Variants in RANGAP1 observed in about 807,000 individuals in gnomAD.
RANGAP1 encodes the protein Ran GTPase activating protein 1, also known as ran GTPase-activating protein 1.
Under a neutral mutation model 63.5 loss-of-function variants are expected in RANGAP1, and 38 were observed. The ratio of observed to expected loss-of-function variants is 0.60; its 90% CI spans 0.46 to 0.78. RANGAP1 has a LOEUF of 0.78. Ranked by LOEUF, RANGAP1 falls within the 30% of genes least tolerant of loss-of-function variation. The pLI is 0.00. For synonymous variants in RANGAP1, 329 were observed against 310.5 expected (o/e 1.06, Z -0.63); for missense variants, 630 against 740.3 (o/e 0.85, Z 1.73).
intron 10 of RANGAP1, among the ~76,000 whole-genome samples, chr22:41,255,646 C>T (rs2033783240): frequency 6.6e-6 from 1 of 151,620 alleles, no homozygotes; most frequent in African/African-American, 2.4e-5. Flanking sequence ...TCAGCCCGTA[C>T]GAGCTCCTCT....
In RANGAP1 at chr22:41,252,991, C is replaced by G. The variant is rs373724220; in HGVS notation, c.1261G>C (p.Glu421Gln). The change falls in exon 12 of 16, where the codon GAG (glutamate) becomes CAG (glutamine). Residue 421 changes from glutamate to glutamine, a missense_variant and splice_region_variant. Coordinates refer to ENST00000356244, the MANE Select transcript of RANGAP1 (RefSeq NM_002883.4). ...GGGGAGGACAGCACGGGAGCTGGCT[C>G]CTGGGAAGTAGGGGCACAGAGGCTC... is the stretch of plus-strand genomic sequence containing the variant. The part of the protein sequence containing the change: ...SRKILDPNTG[E>Q]PAPVLSSPPP... 2.0e-6 allele frequency: 3 copies of G among 1,482,272 alleles called. No homozygotes were observed. The African/African-American group carries it at 4.4e-5, about 22-fold the overall frequency. The allele number at this position is 1,482,272 out of a possible 1,614,324, so 91.8% of individuals were successfully genotyped here.
In RANGAP1 at chr22:41,249,640, G is replaced by A. The variant is rs1344430534; in HGVS notation, c.1572+89C>T. ...TGGGCGAGCCGGCTCAGGACTCGAG[G>A]TGAGGGAGGTTGGCGGGCATGGCTG... On this transcript the variant is annotated intron_variant, in intron 14 of 15. Transcript: ENST00000356244. 8 of 1,538,080 alleles carry A rather than the reference G, an allele frequency of 5.2e-6. No homozygotes were observed. In the Admixed American group the frequency reaches 1.4e-4, roughly 26 times the overall value.
chr22:41,295,220 A>G, the RANGAP1 span, among the ~76,000 whole-genome samples: 111,575 of 149,790 alleles, frequency 0.74, 42,059 homozygotes, highest in Middle Eastern at 0.79. Flanking sequence ...CATTGAGAAC[A>G]GGCCAGGATG....
At chr22:41,283,221 G>GT (rs1219566799) in intron 1 of RANGAP1, among the ~76,000 whole-genome samples, 1 of 129,182 alleles carries the variant, frequency 7.7e-6, no homozygotes, top group African/African-American at 2.7e-5. Context: ...AAAAGGGGGG[G>GT]GTTGGGGGGC....
intron 2 of RANGAP1, among the ~76,000 whole-genome samples, chr22:41,276,679 G>GA (rs917804891): frequency 4.4e-4 from 62 of 140,512 alleles, no homozygotes; most frequent in African/African-American, 7.8e-4. Flanking sequence ...CTATGTTCAG[G>GA]AAAAAAAAAA....
upstream of RANGAP1, among the ~76,000 whole-genome samples, chr22:41,288,673 C>T (rs928984193): frequency 6.6e-6 from 1 of 152,102 alleles, no homozygotes; most frequent in South Asian, 2.1e-4. Flanking sequence ...TGATCCCGTC[C>T]TCATCCAGCT....
intron 6 of RANGAP1, among the ~76,000 whole-genome samples, chr22:41,259,096 T>C (rs940516784): frequency 6.6e-6 from 1 of 151,828 alleles, no homozygotes; most frequent in Non-Finnish European, 1.5e-5. Flanking sequence ...ACCTGGTCCC[T>C]CCTCTATCAC....
rs368342759 is a variant in RANGAP1, at chr22:41,262,251, C to T, written c.481-671G>A. ...CAGGAAGTAGCTTCTACCCTGGTTA[C>T]ACCATTAGGAAAAGCACTGAAAAAC... On this transcript the variant is annotated intron_variant, in intron 5 of 15. Transcript: ENST00000356244. Among the ~76,000 whole-genome samples, 30 of 152,288 alleles carry T rather than the reference C, an allele frequency of 2.0e-4. No individual in the cohort carries two copies. In the East Asian group the frequency reaches 2.5e-3, roughly 13 times the overall value.
intron 10 of RANGAP1, among the ~76,000 whole-genome samples, chr22:41,254,928 T>C (rs2033724190): frequency 1.3e-5 from 2 of 150,052 alleles, no homozygotes; most frequent in African/African-American, 4.9e-5. Flanking sequence ...GCCGAAATTG[T>C]GCCACTGCAC....
At chr22:41,277,850 G>C (rs1264187397) in intron 2 of RANGAP1, among the ~76,000 whole-genome samples, 1 of 152,142 alleles carries the variant, frequency 6.6e-6, no homozygotes, top group African/African-American at 2.4e-5. Context: ...TGTTTTCATA[G>C]AGTATATTCA....
chr22:41,285,619 C>A (rs954206860), intron 1 of RANGAP1: 3 of 985,272 alleles, frequency 3.0e-6, no homozygotes, highest in Non-Finnish European at 1.2e-6. Flanking sequence ...TCTGCGGGAG[C>A]GACGCGCGAA....
intron 5 of RANGAP1, 94 bp from the exon 6 acceptor site, chr22:41,261,674 G>T: frequency 6.6e-7 from 1 of 1,506,450 alleles, no homozygotes; most frequent in Non-Finnish European, 9.1e-7. Context: ...AACATCCCAC[G>T]CCACCCATCG....
intron 11 of RANGAP1, 139 bp downstream of exon 11, chr22:41,254,169 A>C: frequency 8.3e-6 from 7 of 839,046 alleles, no homozygotes; most frequent in South Asian, 1.8e-5. Flanking sequence ...TCCTTTTTTT[A>C]CTCAATATCA....
At chr22:41,293,981 AAAAC>A in the RANGAP1 span, among the ~76,000 whole-genome samples, 9 of 151,914 alleles carry the variant, frequency 5.9e-5, no homozygotes, top group South Asian at 4.2e-4. Flanking sequence ...TTTTTCGTTA[AAAAC>A]AAACAAACAG....
chr22:41,299,181 G>A, the RANGAP1 span, among the ~76,000 whole-genome samples: 1 of 151,732 alleles, frequency 6.6e-6, no homozygotes, highest in Non-Finnish European at 1.5e-5. Flanking sequence ...CGCCCAGGCT[G>A]GAATGCAGTG....
At chr22:41,249,960 A>C in intron 13 of RANGAP1, 143 bp from the exon 14 acceptor site, 1 of 695,034 alleles carries the variant, frequency 1.4e-6, no homozygotes, top group Non-Finnish European at 2.5e-6. Context: ...GAGGGACGGC[A>C]GAGACACAGG....
the RANGAP1 span, among the ~76,000 whole-genome samples, chr22:41,297,847 C>T: frequency 1.3e-5 from 2 of 151,412 alleles, no homozygotes; most frequent in Non-Finnish European, 2.9e-5. Flanking sequence ...CACACCACCA[C>T]GCCCAGCTAA....
At chr22:41,278,183 T>C (rs1032682193) in intron 2 of RANGAP1, among the ~76,000 whole-genome samples, 24 of 151,962 alleles carry the variant, frequency 1.6e-4, no homozygotes, top group African/African-American at 5.5e-4. Context: ...GGATTACAGG[T>C]GTCCACCACC....
Position 41,281,561 on chromosome 22 carries a change from C to G in RANGAP1, c.-38-479G>C, listed in dbSNP as rs1216608611. 5.1e-6 allele frequency: 5 copies of G among 988,772 alleles called. No individual in the cohort carries two copies. The East Asian group carries it at 5.7e-4, about 112-fold the overall frequency. The allele number at this position is 988,772 out of a possible 1,614,324, so 61.2% of individuals were successfully genotyped here. On this transcript the variant is annotated intron_variant, in intron 1 of 15. Transcript: ENST00000356244. ...ATTCATCCCAGAGAATGCCCCACCA[C>G]CCACGCTGGCATGACTCTGGGGTGG...
Sources: allele counts gnomAD v4.1 joint callset (sites outside exome capture counted in the v4.1 genomes callset), GRCh38; gene constraint gnomAD v4.1.1; transcripts MANE v1.5; gene names NCBI Gene and HGNC (gene_info 2026-07-23, HGNC 2026-07-21).